Variants in NMD3 observed in about 807,000 individuals in gnomAD.
NMD3 encodes 60S ribosomal export protein NMD3.
NMD3 carries 47 observed loss-of-function variants against 73.1 expected under a neutral mutation model. The observed-to-expected ratio is 0.64, with a 90% CI of 0.51 to 0.82. The LOEUF is 0.82. Among genes scored for constraint, NMD3 ranks in the 40% least tolerant of loss-of-function variants. NMD3 has a pLI of 0.00. For missense variants in NMD3, 554 were observed against 612.5 expected (o/e 0.90, Z 1.01); for synonymous variants, 210 against 194.5 (o/e 1.08, Z -0.66).
At chr3:161,229,773 C>G (rs1294256282) in intron 4 of NMD3, among the ~76,000 whole-genome samples, 1 of 152,000 alleles carries the variant, frequency 6.6e-6, no homozygotes, top group East Asian at 1.9e-4. Flanking sequence ...GCAAAGGAGA[C>G]TGAAAGGAGC....
intron 7 of NMD3, among the ~76,000 whole-genome samples, chr3:161,236,185 C>T (rs540638705): frequency 2.0e-5 from 3 of 152,214 alleles, no homozygotes; most frequent in East Asian, 3.9e-4. Context: ...CCTCAGCAAG[C>T]ACCTCAGCTG....
Position 161,241,157 on chromosome 3 carries a change from C to T in NMD3, c.865C>T (p.Leu289=). 6.3e-7 allele frequency: 1 copy of T among 1,575,682 alleles called. No individual in the cohort carries two copies. The highest frequency in any genetic ancestry group is 1.3e-5 in the African/African-American group (1 of 74,164). The change falls in exon 10 of 16, where the codon CTA becomes TTA. Residue 289 remains leucine (L), a synonymous_variant. Coordinates refer to ENST00000351193, the MANE Select transcript of NMD3 (RefSeq NM_015938.5). ...SAIHLIDPNT[L]QVADIDGSTF... ...CATTCACCTCATTGATCCAAACACC[C>T]TACAAGGTAAATTCTGGAAATGATT...
intron 9 of NMD3, among the ~76,000 whole-genome samples, chr3:161,240,696 A>T (rs1736937868): frequency 6.7e-6 from 1 of 149,538 alleles, no homozygotes; most frequent in Non-Finnish European, 1.5e-5. Flanking sequence ...GGCTAATTAA[A>T]ATATATATAT....
At chr3:161,245,058 A>G (rs998844903) in intron 11 of NMD3, among the ~76,000 whole-genome samples, 3 of 152,068 alleles carry the variant, frequency 2.0e-5, no homozygotes, top group Non-Finnish European at 2.9e-5. Flanking sequence ...TTTATAACCC[A>G]TATCTGAAAT....
intron 1 of NMD3, chr3:161,221,677 A>G: frequency 5.3e-6 from 1 of 190,330 alleles, no homozygotes; most frequent in South Asian, 1.2e-4. Context: ...CCGGGCGTCC[A>G]CAATCCCGAG....
intron 10 of NMD3, 139 bp downstream of exon 10, chr3:161,241,302 A>G (rs913533538): frequency 7.2e-6 from 4 of 556,426 alleles, no homozygotes; most frequent in African/African-American, 5.9e-5. Flanking sequence ...GTTTAATACA[A>G]AACATTGTGG....
intron 13 of NMD3, among the ~76,000 whole-genome samples, chr3:161,248,217 C>T (rs1476613503): frequency 2.6e-5 from 4 of 151,622 alleles, no homozygotes; most frequent in East Asian, 2.0e-4. Context: ...TAGCCGGGTG[C>T]GGTGGCTCAT....
At chr3:161,233,289 CAG>C in intron 4 of NMD3, 108 bp from the exon 5 acceptor site, 1 of 661,136 alleles carries the variant, frequency 1.5e-6, no homozygotes, top group Non-Finnish European at 2.7e-6. Context: ...ATGCTGATCA[CAG>C]ATTCCTTAAG....
chr3:161,236,221 G>A lies in NMD3; in HGVS notation c.577+1009G>A, dbSNP rs561052078. Among the ~76,000 whole-genome samples, 3 of 152,026 alleles carry A rather than the reference G, an allele frequency of 2.0e-5. No individual in the cohort carries two copies. The South Asian group carries it at 6.2e-4, about 32-fold the overall frequency. ...TTTCATTCTTTTGGGTACATACTTAGGTGTGGAATTACCAAGTCATATGGT... is the reference window on the plus strand; with the variant it reads ...TTTCATTCTTTTGGGTACATACTTAAGTGTGGAATTACCAAGTCATATGGT... On this transcript the variant is annotated intron_variant, in intron 7 of 15. Coordinates refer to ENST00000351193, the MANE Select transcript of NMD3 (RefSeq NM_015938.5).
intron 1 of NMD3, 155 bp from the exon 2 acceptor site, chr3:161,221,839 G>A (rs768360755): frequency 1.4e-4 from 71 of 517,104 alleles, no homozygotes; most frequent in Non-Finnish European, 2.2e-4. Flanking sequence ...ACCCAGTGGA[G>A]TTGGGTTTCC....
chr3:161,233,402 C>T lies in NMD3; in HGVS notation c.280C>T (p.Arg94Trp), dbSNP rs759384327. The change falls in exon 5 of 16, where the codon CGG becomes TGG. Residue 94 changes from arginine (R) to tryptophan (W), a missense_variant. Transcript: ENST00000351193. ...KKIKAPLSKV[R>W]LVDAGFVWTE... Reference sequence around the variant, plus strand: ...TTTTGTTTGTGTTTTATTGAAGGTACGGCTTGTAGATGCAGGCTTTGTTTG... The same window carrying T: ...TTTTGTTTGTGTTTTATTGAAGGTATGGCTTGTAGATGCAGGCTTTGTTTG... 26 of 1,605,850 alleles carry T rather than the reference C, an allele frequency of 1.6e-5. No homozygotes were observed. Among genetic ancestry groups the T allele is most frequent in the African/African-American group, 6.7e-5 (5 of 74,588 alleles).
At chr3:161,225,100 G>A (rs140902203) in intron 3 of NMD3, 36 bp downstream of exon 3, 159 of 1,538,924 alleles carry the variant, frequency 1.0e-4, no homozygotes, top group Non-Finnish European at 1.3e-4. Context: ...TTTTAAAGTT[G>A]GAATTTACAT....
At chr3:161,246,497 C>A in intron 12 of NMD3, 49 bp downstream of exon 12, 1 of 769,770 alleles carries the variant, frequency 1.3e-6, no homozygotes. Context: ...TGCAAATTTT[C>A]TTTGGGAACC....
chr3:161,229,496 G>A (rs1406695822), intron 4 of NMD3, among the ~76,000 whole-genome samples: 2 of 152,106 alleles, frequency 1.3e-5, no homozygotes, highest in Admixed American at 6.6e-5. Context: ...CTGGGTAGGG[G>A]GCATGAGAGT....
chr3:161,222,589 C>CT (rs11391145), intron 2 of NMD3, among the ~76,000 whole-genome samples: 46,105 of 147,900 alleles, frequency 0.31, 7,461 homozygotes, highest in East Asian at 0.57. Flanking sequence ...TTCAAATTAA[C>CT]TTTTTTTTTT....
chr3:161,230,293 C>T (rs570855188), intron 4 of NMD3, among the ~76,000 whole-genome samples: 2 of 151,988 alleles, frequency 1.3e-5, no homozygotes, highest in Non-Finnish European at 2.9e-5. Flanking sequence ...GGTGAGATCT[C>T]TCTCTTTCTC....
chr3:161,231,816 A>G (rs1199610845), intron 4 of NMD3, among the ~76,000 whole-genome samples: 1 of 152,164 alleles, frequency 6.6e-6, no homozygotes, highest in African/African-American at 2.4e-5. Context: ...AGGAGATTTC[A>G]TTGTTAATGA....
At chr3:161,249,777 T>C in intron 14 of NMD3, 1 of 567,932 alleles carries the variant, frequency 1.8e-6, no homozygotes. Context: ...CTAATAATTG[T>C]AGTGTTAATG....
At chr3:161,232,945 CA>C (rs1172284693) in intron 4 of NMD3, among the ~76,000 whole-genome samples, 2 of 152,022 alleles carry the variant, frequency 1.3e-5, no homozygotes, top group Non-Finnish European at 2.9e-5. Context: ...ATTTAGTATT[CA>C]GTGCATGCAA....
Sources: gnomAD v4.1 joint callset for allele counts (sites outside exome capture counted in the v4.1 genomes callset) on GRCh38, gnomAD v4.1.1 for gene constraint, MANE v1.5 for transcripts, NCBI Gene and HGNC (gene_info 2026-07-23, HGNC 2026-07-21) for gene names.